BEND7: variants seen among roughly 807,000 people sequenced by gnomAD.
BEND7 encodes the protein BEN domain containing 7.
BEND7 carries 28 observed loss-of-function variants against 50.9 expected under a neutral mutation model. The observed-to-expected ratio is 0.55, with a 90% CI of 0.41 to 0.75. BEND7 has a LOEUF of 0.75. Ranked by LOEUF, BEND7 falls within the 30% of genes least tolerant of loss-of-function variation. The pLI, the probability that BEND7 is intolerant of heterozygous loss-of-function variation, is 0.00. For synonymous variants in BEND7, 170 were observed against 183.9 expected (o/e 0.92, Z 0.61); for missense variants, 477 against 491.3 (o/e 0.97, Z 0.28).
chr10:13,442,149 G>A lies in BEND7; in HGVS notation c.1235-399C>T, dbSNP rs1176858611. 3.2e-5 allele frequency: 6 copies of A among 186,202 alleles called. No homozygotes were observed. In the East Asian group the frequency reaches 8.6e-4, roughly 27 times the overall value. 11.5% of individuals were successfully genotyped at this position (186,202 alleles called of 1,614,324 possible). ...GCCCCAGCCACGGAGGGGTTAACGGGCTCTGGGCAACCGCTTACCCTCATT... is the reference window on the plus strand; with the variant it reads ...GCCCCAGCCACGGAGGGGTTAACGGACTCTGGGCAACCGCTTACCCTCATT... On this transcript the variant is annotated intron_variant, in intron 8 of 8. Transcript: ENST00000466271.
At chr10:13,439,502 GGAAT>G (rs770862627), downstream of BEND7, 4 of 1,587,718 alleles carry the variant, frequency 2.5e-6, no homozygotes, top group African/African-American at 1.3e-5. Context: ...AAGCACCTGT[GGAAT>G]GAATGAATGA....
intron 2 of BEND7, among the ~76,000 whole-genome samples, chr10:13,506,077 ATC>A (rs2077860053): frequency 6.6e-6 from 1 of 152,088 alleles, no homozygotes; most frequent in African/African-American, 2.4e-5. Flanking sequence ...CTCTCTCAAC[ATC>A]TCTTACCTGA....
intron 6 of BEND7, among the ~76,000 whole-genome samples, chr10:13,480,074 G>C (rs532467518): frequency 3.9e-5 from 6 of 152,344 alleles, no homozygotes; most frequent in South Asian, 2.1e-4. Flanking sequence ...GCCTGATTCA[G>C]AGTCTCATTT....
At chr10:13,522,225 T>C (rs1291804657) in intron 2 of BEND7, among the ~76,000 whole-genome samples, 1 of 152,244 alleles carries the variant, frequency 6.6e-6, no homozygotes, top group African/African-American at 2.4e-5. Flanking sequence ...AAATCCAATG[T>C]GTGAAAAGAG....
chr10:13,514,136 G>C (rs553968967), intron 2 of BEND7, among the ~76,000 whole-genome samples: 2 of 152,104 alleles, frequency 1.3e-5, no homozygotes, highest in Non-Finnish European at 2.9e-5. Context: ...AGGCCTGGGA[G>C]GGCTCCTGTC....
At chr10:13,452,200 A>T (rs767839011) in intron 7 of BEND7, among the ~76,000 whole-genome samples, 3 of 152,320 alleles carry the variant, frequency 2.0e-5, no homozygotes, top group Non-Finnish European at 4.4e-5. Context: ...AAAGTCATGC[A>T]GATTCAAACA....
chr10:13,484,281 C>T (rs1241474310), intron 5 of BEND7, among the ~76,000 whole-genome samples: 1 of 152,140 alleles, frequency 6.6e-6, no homozygotes, highest in Non-Finnish European at 1.5e-5. Flanking sequence ...GCAACAACGC[C>T]TTAAAAGAAC....
At chr10:13,495,881 C>T (rs539868171) in intron 4 of BEND7, among the ~76,000 whole-genome samples, 1 of 152,316 alleles carries the variant, frequency 6.6e-6, no homozygotes, top group African/African-American at 2.4e-5. Context: ...CCAGTCACGA[C>T]ATGGCTTAGA....
chr10:13,465,853 G>A (rs2074192828), intron 6 of BEND7, among the ~76,000 whole-genome samples: 2 of 149,154 alleles, frequency 1.3e-5, no homozygotes, highest in Admixed American at 6.8e-5. Context: ...GATTCTCACC[G>A]ATTTGAGGCC....
At chr10:13,516,586 C>T (rs1026903241) in intron 2 of BEND7, among the ~76,000 whole-genome samples, 60 of 152,062 alleles carry the variant, frequency 3.9e-4, no homozygotes, top group African/African-American at 1.2e-3. Flanking sequence ...ACTAGCCAGG[C>T]GTGGTGGCAC....
rs2079571313 is a variant in BEND7 at position 13,528,656 on chromosome 10, C to G, written c.-123G>C. ...CGGCGGAGCCGCCGGGACCAAGGTC[C>G]GCGCCTGGAGTCGGCGAGGGGAGGC... is the stretch of plus-strand genomic sequence containing the variant. On this transcript the variant is annotated 5_prime_UTR_variant, in exon 1 of 9. Transcript: ENST00000466271. 4.0e-6 allele frequency: 2 copies of G among 498,252 alleles called. No homozygotes were observed. Among genetic ancestry groups the G allele is most frequent in the Non-Finnish European group, 2.6e-6 (1 of 386,768 alleles). The allele number at this position is 498,252 out of a possible 1,614,324, so 30.9% of individuals were successfully genotyped here.
chr10:13,496,614 A>T, intron 4 of BEND7, 152 bp downstream of exon 4: 2 of 909,354 alleles, frequency 2.2e-6, no homozygotes, highest in South Asian at 1.8e-5. Flanking sequence ...AATGGATTGT[A>T]GAGAAAGCTG....
intron 7 of BEND7, among the ~76,000 whole-genome samples, chr10:13,451,998 T>C (rs1280505768): frequency 6.6e-6 from 1 of 152,086 alleles, no homozygotes; most frequent in Non-Finnish European, 1.5e-5. Context: ...AAACGGGTGC[T>C]CACTTTTCCT....
chr10:13,490,812 GTTTTT>G (rs542895504), intron 5 of BEND7, among the ~76,000 whole-genome samples: 1 of 150,530 alleles, frequency 6.6e-6, no homozygotes, highest in Non-Finnish European at 1.5e-5. Flanking sequence ...TTTTGTTTTT[GTTTTT>G]TTTTGAGACG....
intron 5 of BEND7, among the ~76,000 whole-genome samples, chr10:13,484,654 C>A (rs1218556376): frequency 6.6e-6 from 1 of 152,176 alleles, no homozygotes; most frequent in Non-Finnish European, 1.5e-5. Context: ...TGTTAATTTA[C>A]AGATTTTAGT....
Position 13,441,543 on chromosome 10 carries a change from A to T in BEND7, c.*200T>A, listed in dbSNP as rs1294775621. 5.6e-6 allele frequency: 8 copies of T among 1,416,022 alleles called. No individual in the cohort carries two copies. Among genetic ancestry groups the T allele is most frequent in the Non-Finnish European group, 7.4e-6 (8 of 1,086,186 alleles). 87.7% of individuals were successfully genotyped at this position (1,416,022 alleles called of 1,614,324 possible). A position where few individuals can be genotyped will look rare whatever the true frequency, so the allele number is the denominator to read the frequency against. On this transcript the variant is annotated 3_prime_UTR_variant, in exon 9 of 9. Coordinates refer to ENST00000466271, the MANE Select transcript of BEND7 (RefSeq NM_001369863.1). ...GAAGGCAGTGCTTCTGAAGGTTCCC[A>T]GCAGATCTCTTAACAGACCACAGTT...
At chr10:13,465,467 G>T (rs886225782) in intron 6 of BEND7, among the ~76,000 whole-genome samples, 1 of 152,186 alleles carries the variant, frequency 6.6e-6, no homozygotes, top group African/African-American at 2.4e-5. Context: ...AAAGCTGGCC[G>T]TGAGGACCAT....
intron 4 of BEND7, among the ~76,000 whole-genome samples, chr10:13,496,168 T>G (rs2077000857): frequency 6.6e-6 from 1 of 152,188 alleles, no homozygotes; most frequent in Non-Finnish European, 1.5e-5. Context: ...AGATATGAAT[T>G]CTCCATTTAC....
intron 5 of BEND7, among the ~76,000 whole-genome samples, chr10:13,486,627 T>C (rs927749401): frequency 6.6e-6 from 1 of 152,202 alleles, no homozygotes. Flanking sequence ...GAATGTTGAA[T>C]GGGATAAAAA....
Sources: allele counts gnomAD v4.1 joint callset (sites outside exome capture counted in the v4.1 genomes callset), GRCh38; gene constraint gnomAD v4.1.1; transcripts MANE v1.5; gene names NCBI Gene and HGNC (gene_info 2026-07-23, HGNC 2026-07-21).